The following PRR16 variants were observed in gnomAD, a reference collection of about 807,000 sequenced individuals.
The protein encoded by PRR16 is proline rich 16, also known as protein Largen.
PRR16 carries 6 observed loss-of-function variants against 18.2 expected under a neutral mutation model. That is an observed-to-expected ratio of 0.33 (90% CI 0.18 to 0.65). The LOEUF is 0.65. PRR16 is among the 30% of genes least tolerant of loss of function. The probability of loss-of-function intolerance (pLI) is 0.74; values close to 1 mark genes in which losing one functional copy is unlikely to be tolerated. For synonymous variants in PRR16, 151 were observed against 147.8 expected (o/e 1.02, Z -0.16); for missense variants, 412 against 376.6 (o/e 1.09, Z -0.78).
chr5:120,739,486 C>A, the PRR16 span, among the ~76,000 whole-genome samples: 1 of 152,106 alleles, frequency 6.6e-6, no homozygotes, highest in East Asian at 1.9e-4. Flanking sequence ...GTTGCCATGT[C>A]TGAGCTGTGC....
chr5:120,586,205 A>C (rs1235831520), intron 1 of PRR16, among the ~76,000 whole-genome samples: 1 of 152,102 alleles, frequency 6.6e-6, no homozygotes, highest in Non-Finnish European at 1.5e-5. Context: ...ATTGATGAAC[A>C]CAACAACATC....
At chr5:120,504,994 G>T (rs1750593639) in intron 1 of PRR16, among the ~76,000 whole-genome samples, 1 of 152,104 alleles carries the variant, frequency 6.6e-6, no homozygotes, top group African/African-American at 2.4e-5. Context: ...GCACCTCTCA[G>T]GTTCTTCAGG....
At position 120,474,178 on chromosome 5, in the gene PRR16, T is replaced by A. The variant is rs1163137479; in HGVS notation, c.159+9533T>A. Among the ~76,000 whole-genome samples the A allele has an allele frequency of 1.7e-4, 26 of 152,166 alleles. 1 individual carries two copies. The highest frequency in any genetic ancestry group is 1.7e-3 in the Admixed American group (26 of 15,274). On this transcript the variant is annotated intron_variant, in intron 1 of 1. Transcript: ENST00000407149. ...TTCTTCCTTAGAGTAAAATGGGACTTCTGAGCAGGGAGGTGACTAAATCTG... is the reference window on the plus strand; with the variant it reads ...TTCTTCCTTAGAGTAAAATGGGACTACTGAGCAGGGAGGTGACTAAATCTG...
chr5:120,658,177 C>T (rs1207372208), intron 1 of PRR16: 1 of 151,598 alleles, frequency 6.6e-6, no homozygotes, highest in African/African-American at 2.4e-5. Context: ...TTTTCTGCAA[C>T]AATATGTGAT....
At position 120,464,412 on chromosome 5, in the gene PRR16, C is replaced by T. The variant is rs539949638; in HGVS notation, c.-75C>T. 4.1e-6 allele frequency: 6 copies of T among 1,458,264 alleles called. No individual in the cohort carries two copies. Among genetic ancestry groups the T allele is most frequent in the Non-Finnish European group, 5.5e-6 (6 of 1,098,408 alleles). The allele number at this position is 1,458,264 out of a possible 1,614,324, so 90.3% of individuals were successfully genotyped here. On this transcript the variant is annotated 5_prime_UTR_variant, in exon 1 of 2. Coordinates refer to ENST00000407149, the MANE Select transcript of PRR16 (RefSeq NM_001300783.2). ...GGGACCGGGGCGGCAGCGGCCGTAG[C>T]AGCGCCAGGGACGGGGGCACGCAGC...
the PRR16 span, among the ~76,000 whole-genome samples, chr5:120,717,499 A>G: frequency 2.1e-5 from 3 of 145,972 alleles, no homozygotes; most frequent in Non-Finnish European, 3.0e-5. Context: ...CATAGAAATC[A>G]CAAAGCTACT....
chr5:120,466,651 T>C (rs1397437730), intron 1 of PRR16, among the ~76,000 whole-genome samples: 7 of 152,228 alleles, frequency 4.6e-5, no homozygotes, highest in Admixed American at 6.5e-5. Context: ...TCAGGAAATC[T>C]GTTGATACCA....
chr5:120,682,718 G>C (rs1233887104), intron 1 of PRR16, among the ~76,000 whole-genome samples: 4 of 152,162 alleles, frequency 2.6e-5, no homozygotes, highest in Non-Finnish European at 4.4e-5. Flanking sequence ...TCTAGACAGA[G>C]CTTGAGAATA....
the PRR16 span, among the ~76,000 whole-genome samples, chr5:120,717,029 A>C: frequency 1.3e-5 from 2 of 152,178 alleles, no homozygotes; most frequent in Non-Finnish European, 2.9e-5. Flanking sequence ...CCATATACTC[A>C]GTGAATTTAC....
intron 1 of PRR16, among the ~76,000 whole-genome samples, chr5:120,569,850 T>G (rs544713099): frequency 6.6e-6 from 1 of 152,090 alleles, no homozygotes; most frequent in Non-Finnish European, 1.5e-5. Flanking sequence ...AAAGGGTTGA[T>G]ATACAGAAAA....
intron 1 of PRR16, among the ~76,000 whole-genome samples, chr5:120,580,637 A>G (rs1024597840): frequency 2.0e-5 from 3 of 151,774 alleles, no homozygotes; most frequent in African/African-American, 4.8e-5. Context: ...TTGTATTTTT[A>G]GTAGAGATGA....
At chr5:120,479,190 C>T (rs957244764) in intron 1 of PRR16, among the ~76,000 whole-genome samples, 6 of 152,096 alleles carry the variant, frequency 3.9e-5, no homozygotes, top group South Asian at 2.1e-4. Context: ...ATTATCCTAT[C>T]AAGTTACTGA....
At chr5:120,731,337 C>A in the PRR16 span, among the ~76,000 whole-genome samples, 3 of 152,182 alleles carry the variant, frequency 2.0e-5, no homozygotes, top group East Asian at 5.8e-4. Context: ...AGAAGCCTTG[C>A]ATATAATGAT....
chr5:120,715,928 GA>G, the PRR16 span, among the ~76,000 whole-genome samples: 1 of 152,098 alleles, frequency 6.6e-6, no homozygotes, highest in Admixed American at 6.6e-5. Flanking sequence ...CTGTGCACTA[GA>G]AAAATCTCTC....
chr5:120,646,106 T>C (rs1755593725), intron 1 of PRR16, among the ~76,000 whole-genome samples: 1 of 145,454 alleles, frequency 6.9e-6, no homozygotes, highest in Admixed American at 7.1e-5. Flanking sequence ...AGGAATATTA[T>C]TGAAGTGTTA....
the PRR16 span, among the ~76,000 whole-genome samples, chr5:120,711,322 G>C: frequency 1.3e-5 from 2 of 151,950 alleles, no homozygotes; most frequent in African/African-American, 4.8e-5. Flanking sequence ...GATTTTTTCT[G>C]TTTTCTCCCA....
intron 1 of PRR16, among the ~76,000 whole-genome samples, chr5:120,671,908 C>T (rs921432991): frequency 1.3e-5 from 2 of 152,146 alleles, no homozygotes; most frequent in African/African-American, 4.8e-5. Flanking sequence ...TAATCAAGCA[C>T]AAAATGTAAG....
intron 1 of PRR16, among the ~76,000 whole-genome samples, chr5:120,471,862 A>G (rs544746745): frequency 5.3e-5 from 8 of 152,160 alleles, no homozygotes; most frequent in Non-Finnish European, 1.2e-4. Flanking sequence ...TAATATCCAA[A>G]TCAAAGTAGA....
At chr5:120,709,889 G>T in the PRR16 span, among the ~76,000 whole-genome samples, 1 of 152,094 alleles carries the variant, frequency 6.6e-6, no homozygotes, top group African/African-American at 2.4e-5. Flanking sequence ...TCCATGATGG[G>T]CACTTAGGTT....
Sources: gnomAD v4.1 joint callset for allele counts (sites outside exome capture counted in the v4.1 genomes callset) on GRCh38, gnomAD v4.1.1 for gene constraint, MANE v1.5 for transcripts, NCBI Gene and HGNC (gene_info 2026-07-23, HGNC 2026-07-21) for gene names.